The following HMG20A variants were observed in gnomAD, a reference collection of about 807,000 sequenced individuals.
HMG20A encodes high mobility group 20A.
Under a neutral mutation model 43.9 loss-of-function variants are expected in HMG20A, and 17 were observed. The ratio of observed to expected loss-of-function variants is 0.39; its 90% confidence interval spans 0.27 to 0.58. HMG20A has a LOEUF of 0.58. Ranked by LOEUF, HMG20A falls within the 20% of genes least tolerant of loss-of-function variation. The probability of loss-of-function intolerance (pLI) is 0.59; values close to 1 mark genes in which losing one functional copy is unlikely to be tolerated. For missense variants in HMG20A, 341 were observed against 438.2 expected (o/e 0.78, Z 1.98); for synonymous variants, 132 against 147.5 (o/e 0.89, Z 0.76).
At chr15:77,439,715 G>C (rs576032782) in intron 1 of HMG20A, among the ~76,000 whole-genome samples, 10 of 152,162 alleles carry the variant, frequency 6.6e-5, no homozygotes, top group African/African-American at 2.4e-4. Flanking sequence ...GTCTTCTGTT[G>C]GTTATATACA....
chr15:77,456,913 C>A (rs1414334011), intron 1 of HMG20A, among the ~76,000 whole-genome samples: 3 of 152,162 alleles, frequency 2.0e-5, no homozygotes, highest in Admixed American at 2.0e-4. Flanking sequence ...TTTATTAGAG[C>A]TATTCCACTT....
At chr15:77,448,295 T>G (rs2073697483) in intron 1 of HMG20A, among the ~76,000 whole-genome samples, 1 of 152,212 alleles carries the variant, frequency 6.6e-6, no homozygotes, top group Non-Finnish European at 1.5e-5. Flanking sequence ...GTAGCCCCGG[T>G]TAGCTTTCAG....
the HMG20A span, among the ~76,000 whole-genome samples, chr15:77,499,232 A>G: frequency 6.6e-6 from 1 of 152,298 alleles, no homozygotes; most frequent in East Asian, 1.9e-4. Context: ...TTCCTCCTCC[A>G]GTGCCAGGCC....
At chr15:77,466,542 G>A (rs12909771) in intron 3 of HMG20A, among the ~76,000 whole-genome samples, 12,138 of 152,082 alleles carry the variant, frequency 0.08, 595 homozygotes, top group Non-Finnish European at 0.1. Flanking sequence ...ATCTGCTATG[G>A]GAAATAAGCT....
chr15:77,498,546 G>A, the HMG20A span, among the ~76,000 whole-genome samples: 1 of 152,162 alleles, frequency 6.6e-6, no homozygotes, highest in African/African-American at 2.4e-5. Context: ...CAGGGTTCCT[G>A]TAGCTCAGGT....
At chr15:77,449,992 C>T (rs1328720656) in intron 1 of HMG20A, among the ~76,000 whole-genome samples, 1 of 152,206 alleles carries the variant, frequency 6.6e-6, no homozygotes, top group East Asian at 1.9e-4. Flanking sequence ...TTACTGTCTC[C>T]ATACTTTTGC....
downstream of HMG20A, among the ~76,000 whole-genome samples, chr15:77,487,953 C>A (rs902458122): frequency 6.6e-6 from 1 of 152,136 alleles, no homozygotes; most frequent in Admixed American, 6.5e-5. Flanking sequence ...ATCCAGAAAC[C>A]ATTTCAGTTT....
chr15:77,445,513 TC>T (rs1158831362), intron 1 of HMG20A, among the ~76,000 whole-genome samples: 1 of 152,222 alleles, frequency 6.6e-6, no homozygotes. Flanking sequence ...AATTTCTCCT[TC>T]TTCACAATTT....
Position 77,444,674 on chromosome 15 carries a change from T to G in HMG20A, c.-4-13730T>G, listed in dbSNP as rs150918399. On this transcript the variant is annotated intron_variant, in intron 1 of 9. Coordinates refer to ENST00000336216, the MANE Select transcript of HMG20A (RefSeq NM_001304504.2). ...GAGTAGGTTATCAAAGGAGAAATGT[T>G]CCTAGGAAACTGGTCTTGTAGAGCT... is the stretch of plus-strand genomic sequence containing the variant. Among the ~76,000 whole-genome samples the G allele has an allele frequency of 1.2e-3, 188 of 152,342 alleles. 1 individual carries two copies. Among genetic ancestry groups the G allele is most frequent in the African/African-American group, 4.4e-3 (183 of 41,586 alleles).
the HMG20A span, among the ~76,000 whole-genome samples, chr15:77,517,422 C>G: frequency 0.26 from 38,959 of 151,632 alleles, 5,513 homozygotes; most frequent in Non-Finnish European, 0.32. Flanking sequence ...ATGGCATCCA[C>G]TGTCTGTGAC....
At chr15:77,517,211 G>C in the HMG20A span, among the ~76,000 whole-genome samples, 1 of 152,212 alleles carries the variant, frequency 6.6e-6, no homozygotes, top group East Asian at 1.9e-4. Context: ...GTTGCCCCAA[G>C]CCTCTGTCAA....
intron 2 of HMG20A, among the ~76,000 whole-genome samples, chr15:77,462,458 G>T (rs2072713013): frequency 6.6e-6 from 1 of 151,982 alleles, no homozygotes; most frequent in African/African-American, 2.4e-5. Flanking sequence ...TTATTTCCAT[G>T]GGCTAATGCT....
the HMG20A span, among the ~76,000 whole-genome samples, chr15:77,510,463 A>G: frequency 6.6e-6 from 1 of 152,222 alleles, no homozygotes; most frequent in South Asian, 2.1e-4. Flanking sequence ...TTGTATTTGT[A>G]AAGCGCAGCT....
chr15:77,436,227 G>A (rs1449801641), intron 1 of HMG20A, among the ~76,000 whole-genome samples: 1 of 151,954 alleles, frequency 6.6e-6, no homozygotes, highest in African/African-American at 2.4e-5. Context: ...GCTCATTCTT[G>A]AGACCTCTTA....
At chr15:77,452,670 A>G (rs1020655531) in intron 1 of HMG20A, among the ~76,000 whole-genome samples, 2 of 152,224 alleles carry the variant, frequency 1.3e-5, no homozygotes, top group Non-Finnish European at 2.9e-5. Context: ...ACATAAGGGT[A>G]AATCTTCACA....
At chr15:77,476,563 T>C (rs756157149) in intron 6 of HMG20A, among the ~76,000 whole-genome samples, 4 of 149,338 alleles carry the variant, frequency 2.7e-5, no homozygotes, top group South Asian at 2.1e-4. Context: ...CTTTAAACAA[T>C]TGTTTATAGG....
chr15:77,454,484 T>C (rs1244661640), intron 1 of HMG20A, among the ~76,000 whole-genome samples: 1 of 151,992 alleles, frequency 6.6e-6, no homozygotes, highest in African/African-American at 2.4e-5. Context: ...TTTGGGTGAG[T>C]TTGGTTGAAA....
At chr15:77,488,580 A>G (rs1482455817), downstream of HMG20A, among the ~76,000 whole-genome samples, 1 of 152,178 alleles carries the variant, frequency 6.6e-6, no homozygotes, top group Non-Finnish European at 1.5e-5. Flanking sequence ...CTAATTAATA[A>G]GGGCTTTATC....
downstream of HMG20A, among the ~76,000 whole-genome samples, chr15:77,488,611 A>C (rs1595936431): frequency 1.3e-5 from 2 of 152,208 alleles, no homozygotes. Context: ...ATGAAATATG[A>C]AAATCTGAAC....
Sources: gnomAD v4.1 joint callset for allele counts (sites outside exome capture counted in the v4.1 genomes callset) on GRCh38, gnomAD v4.1.1 for gene constraint, MANE v1.5 for transcripts, NCBI Gene and HGNC (gene_info 2026-07-23, HGNC 2026-07-21) for gene names.